RALGAPA1: variants seen among roughly 807,000 people sequenced by gnomAD.
RALGAPA1 encodes Ral GTPase activating protein catalytic subunit alpha 1.
A neutral mutation model predicts 269.6 loss-of-function variants in RALGAPA1; 52 were observed. The observed-to-expected ratio is 0.19, with a 90% CI of 0.15 to 0.24. RALGAPA1 has a LOEUF of 0.24. RALGAPA1 is among the 10% of genes least tolerant of loss of function. The probability of loss-of-function intolerance (pLI) is 1.00; values close to 1 mark genes in which losing one functional copy is unlikely to be tolerated. For synonymous variants in RALGAPA1, 817 were observed against 1,008.3 expected, an observed-to-expected ratio of 0.81 and a Z score of 3.60; for missense variants, 1,917 against 3,013.9, an observed-to-expected ratio of 0.64 and a Z score of 8.52.
At chr14:35,761,067 A>G in intron 5 of RALGAPA1, 61 bp from the exon 6 acceptor site, 1 of 1,286,042 alleles carries the variant, frequency 7.8e-7, no homozygotes, top group Non-Finnish European at 1.1e-6. Context: ...TCTTCCTTTG[A>G]AAAACAAAGT....
chr14:35,633,379 C>A (rs1566880084), intron 33 of RALGAPA1, among the ~76,000 whole-genome samples: 1 of 151,902 alleles, frequency 6.6e-6, no homozygotes, highest in Non-Finnish European at 1.5e-5. Flanking sequence ...GCTTGTTATA[C>A]CTCTTTTATA....
At chr14:35,766,730 G>T in intron 4 of RALGAPA1, 1 of 548,236 alleles carries the variant, frequency 1.8e-6, no homozygotes, top group Non-Finnish European at 3.6e-6. Flanking sequence ...CACAGAAAGT[G>T]AGATGCCTCA....
intron 36 of RALGAPA1, 105 bp downstream of exon 36, chr14:35,605,481 T>G: frequency 1.7e-6 from 2 of 1,196,946 alleles, no homozygotes; most frequent in East Asian, 5.3e-5. Flanking sequence ...AGTTGTTAAG[T>G]TGTTGTATCT....
chr14:35,715,062 C>T (rs367806943), intron 16 of RALGAPA1, among the ~76,000 whole-genome samples: 32 of 152,168 alleles, frequency 2.1e-4, no homozygotes, highest in Middle Eastern at 3.4e-3. Flanking sequence ...TGTTTAAGTA[C>T]GGGCTTCTAC....
intron 39 of RALGAPA1, among the ~76,000 whole-genome samples, chr14:35,551,309 A>C (rs931582750): frequency 6.6e-6 from 1 of 152,154 alleles, no homozygotes; most frequent in Non-Finnish European, 1.5e-5. Context: ...GAAGTGAAGT[A>C]TCTTGGTGGG....
At chr14:35,665,542 C>T (rs1362920506) in intron 26 of RALGAPA1, among the ~76,000 whole-genome samples, 1 of 152,022 alleles carries the variant, frequency 6.6e-6, no homozygotes, top group Admixed American at 6.6e-5. Flanking sequence ...AATTAAGAAC[C>T]AACCTCCAAG....
At chr14:35,771,386 C>A (rs1001782245) in intron 3 of RALGAPA1, among the ~76,000 whole-genome samples, 2 of 152,190 alleles carry the variant, frequency 1.3e-5, no homozygotes, top group South Asian at 2.1e-4. Context: ...AAGAGCAAAA[C>A]TCCGTCTCGA....
At chr14:35,782,345 T>G (rs983515780) in intron 1 of RALGAPA1, among the ~76,000 whole-genome samples, 1 of 152,220 alleles carries the variant, frequency 6.6e-6, no homozygotes, top group African/African-American at 2.4e-5. Flanking sequence ...AGACATTCTG[T>G]GTTCATGAGT....
At chr14:35,612,302 T>C (rs1320813305) in intron 35 of RALGAPA1, among the ~76,000 whole-genome samples, 1 of 150,912 alleles carries the variant, frequency 6.6e-6, no homozygotes, top group Non-Finnish European at 1.5e-5. Flanking sequence ...GCCCAGGAAG[T>C]TGAGGTTGCA....
intron 37 of RALGAPA1, among the ~76,000 whole-genome samples, chr14:35,594,212 C>A (rs2058798748): frequency 1.3e-5 from 2 of 151,990 alleles, no homozygotes; most frequent in Non-Finnish European, 2.9e-5. Flanking sequence ...CTGGCCTTGG[C>A]AATGATTTTT....
chr14:35,540,754 A>G (rs967577627), intron 41 of RALGAPA1, among the ~76,000 whole-genome samples: 1 of 152,146 alleles, frequency 6.6e-6, no homozygotes, highest in African/African-American at 2.4e-5. Flanking sequence ...AATTTTCTTT[A>G]TGTGTTTTAC....
intron 4 of RALGAPA1, chr14:35,766,998 C>A: frequency 5.4e-6 from 2 of 368,086 alleles, no homozygotes; most frequent in South Asian, 2.4e-5. Flanking sequence ...CTTACAGTAG[C>A]CAGATGGCTT....
intron 35 of RALGAPA1, among the ~76,000 whole-genome samples, chr14:35,612,389 A>G (rs1374190183): frequency 4.6e-5 from 7 of 151,470 alleles, no homozygotes; most frequent in South Asian, 4.1e-4. Context: ...AAAAAAAAAA[A>G]AAGAAGTCAG....
At chr14:35,737,344 G>T (rs1188739456) in intron 12 of RALGAPA1, among the ~76,000 whole-genome samples, 2 of 152,034 alleles carry the variant, frequency 1.3e-5, no homozygotes, top group Non-Finnish European at 2.9e-5. Context: ...CTGACAAAGT[G>T]GAGAACAATT....
chr14:35,625,574 T>TA (rs1364304296), intron 34 of RALGAPA1, 142 bp from the exon 35 acceptor site: 49 of 502,878 alleles, frequency 9.7e-5, no homozygotes, highest in Admixed American at 1.5e-4. Context: ...GAACAGACCC[T>TA]AAAAAAAATG....
At chr14:35,791,319 C>T (rs942233225) in intron 1 of RALGAPA1, among the ~76,000 whole-genome samples, 2 of 152,108 alleles carry the variant, frequency 1.3e-5, no homozygotes, top group Admixed American at 6.6e-5. Context: ...CTTAACTTAA[C>T]GTGCAAAGTA....
At chr14:35,703,889 T>C (rs2067573085) in intron 16 of RALGAPA1, among the ~76,000 whole-genome samples, 1 of 152,084 alleles carries the variant, frequency 6.6e-6, no homozygotes, top group African/African-American at 2.4e-5. Flanking sequence ...TAAATTCACC[T>C]TGGACCATAC....
intron 35 of RALGAPA1, among the ~76,000 whole-genome samples, chr14:35,625,070 T>C (rs1333317245): frequency 6.8e-6 from 1 of 146,182 alleles, no homozygotes. Context: ...GGTGGGTGCC[T>C]GTAGTCCCAG....
Position 35,770,985 on chromosome 14 carries a change from A to G in RALGAPA1, c.282T>C (p.Leu94=). ...ILFIFEKILQ[L]LPERIHQRWQ... ...ATCGCTGATGAATTCTTTCTGGAAG[A>G]AGTTGTAAAATTTTCTAAAAATCAA... The change falls in exon 4 of 42, where the codon CTT becomes CTC. Residue 94 remains leucine, a synonymous_variant. Transcript: ENST00000680220. 1 of 1,396,434 alleles carries G rather than the reference A, an allele frequency of 7.2e-7. No homozygotes were observed. The highest frequency in any genetic ancestry group is 9.9e-7 in the Non-Finnish European group (1 of 1,009,702). 86.5% of individuals were successfully genotyped at this position (1,396,434 alleles called of 1,614,324 possible).
Sources: allele counts gnomAD v4.1 joint callset (sites outside exome capture counted in the v4.1 genomes callset), GRCh38; gene constraint gnomAD v4.1.1; transcripts MANE v1.5; gene names NCBI Gene and HGNC (gene_info 2026-07-23, HGNC 2026-07-21).